The following MFN1 variants were observed in gnomAD, a reference collection of about 807,000 sequenced individuals.
MFN1 encodes the protein mitofusin 1, also known as mitofusin-1.
MFN1 carries 65 observed loss-of-function variants against 92.4 expected under a neutral mutation model. The observed-to-expected ratio is 0.70, with a 90% CI of 0.58 to 0.86. MFN1 has a LOEUF of 0.86. Among genes scored for constraint, MFN1 ranks in the 40% least tolerant of loss-of-function variants. The probability of loss-of-function intolerance (pLI) is 0.00; values close to 1 mark genes in which losing one functional copy is unlikely to be tolerated. For missense variants in MFN1, 781 were observed against 868.0 expected (o/e 0.90, Z 1.26); for synonymous variants, 297 against 300.9 (o/e 0.99, Z 0.13).
At chr3:179,368,452 A>G (rs1351170740) in intron 9 of MFN1, among the ~76,000 whole-genome samples, 1 of 152,016 alleles carries the variant, frequency 6.6e-6, no homozygotes, top group Admixed American at 6.5e-5. Context: ...GGAATGGATA[A>G]TAGAGCAAAG....
At chr3:179,375,863 A>G (rs1248473291) in intron 10 of MFN1, among the ~76,000 whole-genome samples, 1 of 152,190 alleles carries the variant, frequency 6.6e-6, no homozygotes, top group Non-Finnish European at 1.5e-5. Context: ...GCATTATTTT[A>G]TACTATTTGT....
intron 15 of MFN1, 41 bp from the exon 16 acceptor site, chr3:179,386,392 T>C (rs1713684099): frequency 6.6e-7 from 1 of 1,515,562 alleles, no homozygotes; most frequent in Non-Finnish European, 9.1e-7. Context: ...TCCAAAGTGG[T>C]GTTTTTCCTT....
At chr3:179,351,723 T>C (rs1371787717) in intron 2 of MFN1, among the ~76,000 whole-genome samples, 177 bp from the exon 3 acceptor site, 1 of 152,226 alleles carries the variant, frequency 6.6e-6, no homozygotes, top group African/African-American at 2.4e-5. Flanking sequence ...TTGAAATTCT[T>C]TTGGGCGGGA....
At chr3:179,362,635 T>C (rs1055302910) in intron 5 of MFN1, among the ~76,000 whole-genome samples, 153 bp downstream of exon 5, 1 of 152,218 alleles carries the variant, frequency 6.6e-6, no homozygotes, top group East Asian at 1.9e-4. Context: ...TGGTTTTATT[T>C]TATAAGTTAC....
At chr3:179,382,460 C>A (rs1386812786) in intron 14 of MFN1, among the ~76,000 whole-genome samples, 1 of 152,164 alleles carries the variant, frequency 6.6e-6, no homozygotes, top group African/African-American at 2.4e-5. Context: ...TTTTCTTAAT[C>A]CAGTCTATCA....
intron 5 of MFN1, among the ~76,000 whole-genome samples, chr3:179,363,158 C>T (rs13082616): frequency 0.2 from 30,558 of 152,062 alleles, 3,446 homozygotes; most frequent in Admixed American, 0.25. Flanking sequence ...GGCTGGAGTA[C>T]AGTGGCGCAG....
At chr3:179,364,517 AC>A in intron 6 of MFN1, 112 bp downstream of exon 6, 1 of 792,562 alleles carries the variant, frequency 1.3e-6, no homozygotes. Context: ...ACTTCTAAAA[AC>A]AGGCATGAAT....
chr3:179,370,130 T>A (rs1227976388), intron 9 of MFN1, among the ~76,000 whole-genome samples: 2 of 152,196 alleles, frequency 1.3e-5, no homozygotes, highest in African/African-American at 4.8e-5. Flanking sequence ...TATTTGTTAC[T>A]TCTTAAGTCA....
intron 14 of MFN1, among the ~76,000 whole-genome samples, chr3:179,383,301 C>T (rs896861555): frequency 3.9e-5 from 6 of 152,144 alleles, no homozygotes; most frequent in African/African-American, 1.4e-4. Flanking sequence ...AGCCAGTTTT[C>T]CCAGCACCAT....
rs80308815 is a variant in MFN1 at position 179,389,270 on chromosome 3, A to G, written c.2013-734A>G. Among the ~76,000 whole-genome samples the G allele has an allele frequency of 8.0e-3, 1,219 of 152,322 alleles. 21 individuals are homozygous for G. The highest frequency in any genetic ancestry group is 0.028 in the African/African-American group (1,165 of 41,562). On this transcript the variant is annotated intron_variant, in intron 16 of 17. Transcript: ENST00000471841. The stretch of plus-strand genomic sequence containing the variant: ...ACATCCAAAGAATCAGCTGAAATTC[A>G]TATAAATAAAAACAAAGTTAATGTA...
intron 3 of MFN1, among the ~76,000 whole-genome samples, chr3:179,356,686 T>G (rs1456104903): frequency 6.6e-6 from 1 of 152,158 alleles, no homozygotes; most frequent in Non-Finnish European, 1.5e-5. Context: ...TGTCTCACTT[T>G]AGTATGCATA....
chr3:179,365,261 TAC>T (rs1712742863), intron 7 of MFN1, 36 bp downstream of exon 7: 2 of 1,096,088 alleles, frequency 1.8e-6, no homozygotes, highest in Non-Finnish European at 1.3e-6. Flanking sequence ...GGTTTTGAAA[TAC>T]AGTCACATAC....
chr3:179,393,561 A>G lies in MFN1; in HGVS notation c.*1502A>G, dbSNP rs191625968. ...TAGGCCATTGAAGCCTTTCAAAAAT[A>G]TATTTTTATGCAAATTGACACGAGT... On this transcript the variant is annotated 3_prime_UTR_variant, in exon 18 of 18. Coordinates refer to ENST00000471841, the MANE Select transcript of MFN1 (RefSeq NM_033540.3). 2.6e-5 allele frequency: 4 copies of G among 152,330 alleles called. No homozygotes were observed. The East Asian group carries it at 7.7e-4, about 29-fold the overall frequency. The allele number at this position is 152,330 out of a possible 1,614,324, so 9.4% of individuals were successfully genotyped here.
rs1475596345 is a variant in MFN1 at position 179,378,381 on chromosome 3, T to C, written c.1370T>C (p.Leu457Ser). ...KHIEDGMGRN[L>S]ADRCTDEVNA... Reference sequence around the variant, plus strand: ...ATAGAGGATGGTATGGGAAGAAATTTGGCTGATCGATGCACCGATGAAGTA... The same window carrying C: ...ATAGAGGATGGTATGGGAAGAAATTCGGCTGATCGATGCACCGATGAAGTA... The change falls in exon 13 of 18, where the codon TTG becomes TCG. Residue 457 changes from leucine (L) to serine (S), a missense_variant. Leu to Ser is a moderately radical substitution (Grantham distance 145). Coordinates refer to ENST00000471841, the MANE Select transcript of MFN1 (RefSeq NM_033540.3). The C allele has an allele frequency of 6.2e-7, 1 of 1,605,722 alleles. No individual in the cohort carries two copies. The highest frequency in any genetic ancestry group is 8.5e-7 in the Non-Finnish European group (1 of 1,177,960).
intron 4 of MFN1, among the ~76,000 whole-genome samples, chr3:179,361,196 A>T (rs543989374): frequency 6.6e-6 from 1 of 152,324 alleles, no homozygotes; most frequent in African/African-American, 2.4e-5. Context: ...ATTTTTAGCA[A>T]ATCAAAATTC....
In MFN1 at chr3:179,392,879, A is replaced by C. The variant is rs1316369140; in HGVS notation, c.*820A>C. On this transcript the variant is annotated 3_prime_UTR_variant, in exon 18 of 18. Transcript: ENST00000471841. Reference sequence around the variant, plus strand: ...AGGCATTTGCCTAGGATATTGCTGGATTATACCCCATTGGAGGCTTTTAAT... The same window carrying C: ...AGGCATTTGCCTAGGATATTGCTGGCTTATACCCCATTGGAGGCTTTTAAT... The C allele has an allele frequency of 6.6e-6, 1 of 152,180 alleles. No individual in the cohort carries two copies. The highest frequency in any genetic ancestry group is 1.5e-5 in the Non-Finnish European group (1 of 68,020). 9.4% of individuals were successfully genotyped at this position (152,180 alleles called of 1,614,324 possible). A position where few individuals can be genotyped will look rare whatever the true frequency, so the allele number is the denominator to read the frequency against.
At chr3:179,374,421 CAAGT>C (rs1185161701) in intron 9 of MFN1, among the ~76,000 whole-genome samples, 1 of 113,650 alleles carries the variant, frequency 8.8e-6, no homozygotes, top group Non-Finnish European at 1.9e-5. Context: ...TATAAGATAA[CAAGT>C]ATTCTATATA....
At chr3:179,370,392 C>CTTTTTTTTTTTTTTT (rs34938438) in intron 9 of MFN1, among the ~76,000 whole-genome samples, 33 of 88,080 alleles carry the variant, frequency 3.7e-4, no homozygotes, top group East Asian at 7.9e-4. Context: ...TCACTAAGTT[C>CTTTTTTTTTTTTTTT]TTTTTTTTTT....
Position 179,375,292 on chromosome 3 carries a change from A to G in MFN1, c.1048A>G (p.Thr350Ala). 6.2e-7 allele frequency: 1 copy of G among 1,613,966 alleles called. No homozygotes were observed. Among genetic ancestry groups the G allele is most frequent in the Non-Finnish European group, 8.5e-7 (1 of 1,179,906 alleles). The change falls in exon 10 of 18, where the codon ACT (threonine) becomes GCT (alanine). Residue 350 changes from threonine to alanine, a missense_variant. Physicochemically the swap from Thr to Ala is moderately conservative, Grantham distance 58. Coordinates refer to ENST00000471841, the MANE Select transcript of MFN1 (RefSeq NM_033540.3). ...TATCAGAGCTAAACAGATACTAGCT[A>G]CTGTGAAAAACATAATGGATTCAGT... is the stretch of plus-strand genomic sequence containing the variant. ...HTIRAKQILA[T>A]VKNIMDSVNL...
Sources: gnomAD v4.1 joint callset for allele counts (sites outside exome capture counted in the v4.1 genomes callset) on GRCh38, gnomAD v4.1.1 for gene constraint, MANE v1.5 for transcripts, NCBI Gene and HGNC (gene_info 2026-07-23, HGNC 2026-07-21) for gene names.